The following HDAC9 variants were observed in gnomAD, a reference collection of about 807,000 sequenced individuals.
HDAC9 encodes the protein histone deacetylase 9, also known as MEF-2 interacting transcription repressor (MITR) protein.
Under a neutral mutation model 139.4 loss-of-function variants are expected in HDAC9, and 41 were observed. The observed-to-expected ratio is 0.29, with a 90% CI of 0.23 to 0.38. The LOEUF (loss-of-function observed/expected upper bound fraction) is 0.38, where lower values mean the gene tolerates loss of function less well. Among genes scored for constraint, HDAC9 ranks in the 10% least tolerant of loss-of-function variants. The probability of loss-of-function intolerance (pLI) is 1.00; values close to 1 mark genes in which losing one functional copy is unlikely to be tolerated. For synonymous variants in HDAC9, 517 were observed against 476.2 expected, an observed-to-expected ratio of 1.09 and a Z score of -1.12; for missense variants, 1,147 against 1,297.0, an observed-to-expected ratio of 0.88 and a Z score of 1.78.
intron 1 of HDAC9, among the ~76,000 whole-genome samples, chr7:18,376,596 G>A (rs1785009044): frequency 6.6e-6 from 1 of 152,104 alleles, no homozygotes; most frequent in African/African-American, 2.4e-5. Context: ...CCATATTGAT[G>A]CAGACTTCTG....
intron 1 of HDAC9, among the ~76,000 whole-genome samples, chr7:18,148,160 C>T (rs1786487481): frequency 6.6e-6 from 1 of 152,160 alleles, no homozygotes. Flanking sequence ...CCTAAGTGTG[C>T]TGGCTTGAAA....
intron 17 of HDAC9, among the ~76,000 whole-genome samples, chr7:18,817,253 C>T (rs925174415): frequency 6.6e-6 from 1 of 152,078 alleles, no homozygotes; most frequent in Non-Finnish European, 1.5e-5. Context: ...CCAGGATGGT[C>T]TCTGTCTCCT....
chr7:18,273,268 T>A (rs1425242899), intron 2 of HDAC9, among the ~76,000 whole-genome samples: 3 of 151,754 alleles, frequency 2.0e-5, no homozygotes, highest in Non-Finnish European at 4.4e-5. Flanking sequence ...AGGGTCTCCC[T>A]TTTTTGCCCA....
rs142250325 is a variant in HDAC9, at chr7:18,095,251, C to T, written c.-97+8038C>T. On this transcript the variant is annotated intron_variant, in intron 1 of 12. Coordinates refer to the HDAC9 transcript ENST00000417496. ...TACAACACACTGAGATCTCATTCCT[C>T]TCTGAATTCCTACTGTAGTTTAGGG... Among the ~76,000 whole-genome samples, 131 of 152,188 alleles carry T rather than the reference C, an allele frequency of 8.6e-4. 1 individual carries two copies. The Middle Eastern group carries it at 0.02, about 24-fold the overall frequency.
chr7:18,623,708 C>T (rs1840846529), intron 6 of HDAC9, among the ~76,000 whole-genome samples: 1 of 152,142 alleles, frequency 6.6e-6, no homozygotes, highest in Non-Finnish European at 1.5e-5. Flanking sequence ...CTTTGGCAGG[C>T]CAAGGCGGGC....
upstream of HDAC9, chr7:18,290,305 G>C (rs1365473368): frequency 2.8e-6 from 1 of 360,444 alleles, no homozygotes; most frequent in Non-Finnish European, 5.5e-6. Flanking sequence ...TTCAGTAGCA[G>C]GGCAATGAGT....
intron 16 of HDAC9, among the ~76,000 whole-genome samples, chr7:18,776,127 G>A (rs2588595): frequency 6.6e-6 from 1 of 151,728 alleles, no homozygotes; most frequent in African/African-American, 2.4e-5. Context: ...TTATTTTGTA[G>A]AGATGTGGTC....
intron 2 of HDAC9, among the ~76,000 whole-genome samples, chr7:18,277,306 C>T (rs868790505): frequency 6.6e-6 from 1 of 152,110 alleles, no homozygotes; most frequent in African/African-American, 2.4e-5. Flanking sequence ...AGTGGTCAAG[C>T]TGGCAGAGAA....
chr7:18,741,412 C>G lies in HDAC9; in HGVS notation c.1910-7593C>G, dbSNP rs1787439739. Among the ~76,000 whole-genome samples the G allele has an allele frequency of 3.9e-5, 6 of 152,120 alleles. No individual in the cohort carries two copies. In the South Asian group the frequency reaches 1.2e-3, roughly 32 times the overall value. On this transcript the variant is annotated intron_variant, in intron 13 of 25. Coordinates refer to ENST00000686413, the MANE Select transcript of HDAC9 (RefSeq NM_178425.4). ...GTGCTCTATAAATGGAACCACAAAG[C>G]CTGGGTGACAGCATATCCGTTTAGA...
chr7:18,751,093 GTC>G (rs894981903), intron 14 of HDAC9, among the ~76,000 whole-genome samples: 2 of 152,110 alleles, frequency 1.3e-5, no homozygotes, highest in Admixed American at 1.3e-4. Flanking sequence ...AAATTAGAAA[GTC>G]TATTATCATC....
intron 1 of HDAC9, among the ~76,000 whole-genome samples, chr7:18,392,298 C>G (rs981027591): frequency 1.5e-5 from 2 of 132,632 alleles, no homozygotes; most frequent in East Asian, 2.1e-4. Flanking sequence ...CTGTCTCTCT[C>G]TCTCTCTCTC....
At chr7:18,748,408 C>T (rs1029566560) in intron 13 of HDAC9, among the ~76,000 whole-genome samples, 2 of 152,188 alleles carry the variant, frequency 1.3e-5, no homozygotes, top group African/African-American at 2.4e-5. Flanking sequence ...AGATCTACAA[C>T]ATCCATATTG....
intron 2 of HDAC9, among the ~76,000 whole-genome samples, chr7:18,181,035 T>C (rs1789385205): frequency 6.6e-6 from 1 of 152,204 alleles, no homozygotes; most frequent in African/African-American, 2.4e-5. Flanking sequence ...TGTGTGATTG[T>C]ATTTTGGGAC....
At chr7:18,848,720 T>C (rs537905253) in intron 21 of HDAC9, among the ~76,000 whole-genome samples, 1 of 152,206 alleles carries the variant, frequency 6.6e-6, no homozygotes, top group African/African-American at 2.4e-5. Flanking sequence ...TATAAAGATC[T>C]TTAATATGAG....
intron 2 of HDAC9, chr7:18,517,925 G>C (rs1413769929): frequency 6.6e-6 from 1 of 152,036 alleles, no homozygotes; most frequent in Non-Finnish European, 1.5e-5. Flanking sequence ...CAATTTTTTT[G>C]TTTTAAAAAT....
At chr7:18,742,059 T>C (rs750058518) in intron 13 of HDAC9, among the ~76,000 whole-genome samples, 1 of 152,192 alleles carries the variant, frequency 6.6e-6, no homozygotes, top group Non-Finnish European at 1.5e-5. Flanking sequence ...TGGGCATTGT[T>C]GAAATGACGA....
At chr7:18,403,371 G>A (rs978715225) in intron 1 of HDAC9, among the ~76,000 whole-genome samples, 3 of 152,220 alleles carry the variant, frequency 2.0e-5, no homozygotes, top group Admixed American at 2.0e-4. Flanking sequence ...GGGGAAGGCA[G>A]AACAGGTTTA....
At chr7:18,387,777 TA>T (rs1273267434) in intron 1 of HDAC9, among the ~76,000 whole-genome samples, 1 of 152,242 alleles carries the variant, frequency 6.6e-6, no homozygotes, top group African/African-American at 2.4e-5. Flanking sequence ...CATTTCTTGA[TA>T]TTTTTTATAT....
intron 2 of HDAC9, among the ~76,000 whole-genome samples, chr7:18,568,081 T>G (rs1187219766): frequency 2.7e-5 from 4 of 147,090 alleles, no homozygotes; most frequent in Non-Finnish European, 6.0e-5. Context: ...TAGCAACTGC[T>G]GCACAGATTG....
Sources: gnomAD v4.1 joint callset for allele counts (sites outside exome capture counted in the v4.1 genomes callset) on GRCh38, gnomAD v4.1.1 for gene constraint, MANE v1.5 for transcripts, NCBI Gene and HGNC (gene_info 2026-07-23, HGNC 2026-07-21) for gene names.